ZNF343: variants seen among roughly 807,000 people sequenced by gnomAD.
ZNF343 encodes the protein zinc finger protein 343.
Under a neutral mutation model 13.8 loss-of-function variants are expected in ZNF343, and 11 were observed. The ratio of observed to expected loss-of-function variants is 0.80; its 90% confidence interval spans 0.50 to 1.32. The LOEUF (loss-of-function observed/expected upper bound fraction) is 1.32. Ranked by LOEUF, ZNF343 falls within the 40% of genes most tolerant of loss-of-function variation. ZNF343 has a pLI of 0.00. For missense variants in ZNF343, 658 were observed against 714.2 expected (o/e 0.92, Z 0.90); for synonymous variants, 248 against 260.0 (o/e 0.95, Z 0.44).
At chr20:2,507,953 G>T (rs928539453) in intron 1 of ZNF343, among the ~76,000 whole-genome samples, 1 of 152,070 alleles carries the variant, frequency 6.6e-6, no homozygotes, top group African/African-American at 2.4e-5. Flanking sequence ...CCCCAAACCA[G>T]ATGTTTGGCC....
chr20:2,520,129 G>A (rs1032889319), intron 1 of ZNF343, among the ~76,000 whole-genome samples: 1 of 152,102 alleles, frequency 6.6e-6, no homozygotes, highest in Non-Finnish European at 1.5e-5. Context: ...GTACTTTGGA[G>A]GATAATGACT....
In ZNF343 at chr20:2,508,749, A is replaced by G. The variant is rs920985883; in HGVS notation, c.-237+132T>C. 5.9e-5 allele frequency: 9 copies of G among 152,350 alleles called. No individual in the cohort carries two copies. The highest frequency in any genetic ancestry group is 1.9e-4 in the African/African-American group (8 of 41,472). The allele number at this position is 152,350 out of a possible 1,614,324, so 9.4% of individuals were successfully genotyped here. ...CTGCGCCCTCTCCTCCAAAAACCAA[A>G]TATCTCCAACCCGCACTCCCCATTG... On this transcript the variant is annotated intron_variant, in intron 1 of 5. Coordinates refer to ENST00000278772, the MANE Select transcript of ZNF343 (RefSeq NM_024325.6). The surrounding 1 kb of genome is among the most constrained non-coding windows in gnomAD (Gnocchi z 4.5).
At chr20:2,493,657 TTC>T in intron 3 of ZNF343, 80 bp from the exon 4 acceptor site, 1 of 1,015,510 alleles carries the variant, frequency 9.8e-7, no homozygotes, top group South Asian at 1.2e-5. Context: ...TGAGCAGCTC[TTC>T]TGAGCCTTAG....
Position 2,484,626 on chromosome 20 carries a change from G to C in ZNF343, c.335C>G (p.Ser112Cys). 6.2e-7 allele frequency: 1 copy of C among 1,605,916 alleles called. No individual in the cohort carries two copies. Among genetic ancestry groups the C allele is most frequent in the Non-Finnish European group, 8.5e-7 (1 of 1,175,808 alleles). ...ACAGGAGAAGGCCAGAAGGCAGGAG[G>C]AACAAGTGTAGATTTCTGGCTTTGG... ...AEPKPEIYTCSSCLLAFSCQQ... is the reference protein window; with the variant it reads ...AEPKPEIYTCCSCLLAFSCQQ... The change falls in exon 6 of 6, where the codon TCC becomes TGC. Residue 112 changes from serine (S) to cysteine (C), a missense_variant. Coordinates refer to ENST00000278772, the MANE Select transcript of ZNF343 (RefSeq NM_024325.6).
At chr20:2,493,634 C>T in intron 3 of ZNF343, 57 bp from the exon 4 acceptor site, 3 of 966,002 alleles carry the variant, frequency 3.1e-6, no homozygotes, top group Non-Finnish European at 4.4e-6. Flanking sequence ...CCACCCCCCA[C>T]CATGACGCTC....
At chr20:2,507,193 G>A (rs1407414233) in intron 1 of ZNF343, among the ~76,000 whole-genome samples, 1 of 151,656 alleles carries the variant, frequency 6.6e-6, no homozygotes, top group African/African-American at 2.4e-5. Flanking sequence ...GAACCCGGGA[G>A]GTGGAGGTTG....
intron 1 of ZNF343, among the ~76,000 whole-genome samples, chr20:2,523,527 T>C (rs994201821): frequency 6.6e-6 from 1 of 151,456 alleles, no homozygotes; most frequent in Non-Finnish European, 1.5e-5. Flanking sequence ...TAATAGAAAA[T>C]CCATATGGAA....
At chr20:2,502,466 A>G (rs542699536) in intron 1 of ZNF343, among the ~76,000 whole-genome samples, 1 of 152,324 alleles carries the variant, frequency 6.6e-6, no homozygotes, top group South Asian at 2.1e-4. Flanking sequence ...AGAGAACGCC[A>G]CAAAGATACT....
At chr20:2,509,329 G>A (rs1469348016), upstream of ZNF343, among the ~76,000 whole-genome samples, 1 of 152,206 alleles carries the variant, frequency 6.6e-6, no homozygotes, top group Non-Finnish European at 1.5e-5. Context: ...TACCTTGCGT[G>A]AGCACTATGT....
In ZNF343 at chr20:2,484,634, G is replaced by A. The variant is rs766666312; in HGVS notation, c.327C>T (p.Tyr109=). 2 of 1,600,066 alleles carry A rather than the reference G, an allele frequency of 1.2e-6. No individual in the cohort carries two copies. Among genetic ancestry groups the A allele is most frequent in the Non-Finnish European group, 8.5e-7 (1 of 1,172,846 alleles). ...LSLAEPKPEI[Y]TCSSCLLAFS... Reference sequence around the variant, plus strand: ...AGGCCAGAAGGCAGGAGGAACAAGTGTAGATTTCTGGCTTTGGTTCTGCTG... The same window carrying A: ...AGGCCAGAAGGCAGGAGGAACAAGTATAGATTTCTGGCTTTGGTTCTGCTG... Residue 109 remains tyrosine (Y), a synonymous_variant, in exon 6 of 6, where the codon TAC becomes TAT. Transcript: ENST00000278772.
chr20:2,507,222 CCACTG>C (rs997688360), intron 1 of ZNF343, among the ~76,000 whole-genome samples: 1 of 150,472 alleles, frequency 6.6e-6, no homozygotes, highest in Non-Finnish European at 1.5e-5. Context: ...CGAGATCGCG[CCACTG>C]CACTCCAGCC....
chr20:2,515,246 A>G (rs1385983183), intron 1 of ZNF343, among the ~76,000 whole-genome samples: 1 of 152,192 alleles, frequency 6.6e-6, no homozygotes, highest in African/African-American at 2.4e-5. Flanking sequence ...TCGTCTTATT[A>G]TTTGTCAGAG....
Position 2,492,684 on chromosome 20 carries a change from A to C in ZNF343, c.304+15T>G, listed in dbSNP as rs1490886677. On this transcript the variant is annotated intron_variant, in intron 5 of 5. Coordinates refer to ENST00000278772, the MANE Select transcript of ZNF343 (RefSeq NM_024325.6). ...CTACTGAATTAATGAAGGAAAGGAA[A>C]GAACACAGCCTTACCCAATGAGAGA... 6.2e-7 allele frequency: 1 copy of C among 1,604,226 alleles called. No homozygotes were observed. Among genetic ancestry groups the C allele is most frequent in the Non-Finnish European group, 8.5e-7 (1 of 1,177,716 alleles).
upstream of ZNF343, among the ~76,000 whole-genome samples, chr20:2,512,255 C>T (rs1269027682): frequency 6.6e-6 from 1 of 152,186 alleles, no homozygotes; most frequent in African/African-American, 2.4e-5. Context: ...TCAAAGCAAT[C>T]TACAGATGCA....
At position 2,492,834 on chromosome 20, in the gene ZNF343, A is replaced by C; in HGVS notation, c.178-9T>G. 1 of 1,612,532 alleles carries C rather than the reference A, an allele frequency of 6.2e-7. No homozygotes were observed. ...CTGAATGTAACTGGTACCTACAAAC[A>C]ACCAGTAAATTAATGTATAGCAAGC... is the stretch of plus-strand genomic sequence containing the variant. On this transcript the variant is annotated splice_polypyrimidine_tract_variant and intron_variant, in intron 4 of 5. Coordinates refer to ENST00000278772, the MANE Select transcript of ZNF343 (RefSeq NM_024325.6).
chr20:2,509,238 C>G (rs2085720974), upstream of ZNF343: 1 of 152,210 alleles, frequency 6.6e-6, no homozygotes, highest in Non-Finnish European at 1.5e-5. Context: ...AATGCGCTGT[C>G]TGTCAGGCGT....
At chr20:2,498,566 G>A (rs1250413260) in intron 2 of ZNF343, among the ~76,000 whole-genome samples, 1 of 152,170 alleles carries the variant, frequency 6.6e-6, no homozygotes, top group Non-Finnish European at 1.5e-5. Context: ...GGAGTAAGTG[G>A]TAGGGACAAG....
At chr20:2,486,968 C>T (rs1201454133) in intron 5 of ZNF343, among the ~76,000 whole-genome samples, 2 of 152,178 alleles carry the variant, frequency 1.3e-5, no homozygotes, top group Non-Finnish European at 2.9e-5. Context: ...GACTGCTTAA[C>T]TCTGCCATTG....
intron 2 of ZNF343, 85 bp downstream of exon 2, chr20:2,500,571 A>G (rs1357784407): frequency 1.3e-5 from 2 of 152,300 alleles, no homozygotes; most frequent in Non-Finnish European, 2.9e-5. Flanking sequence ...TTCAGGGTAC[A>G]AGATGTCAGA....
Sources: allele counts gnomAD v4.1 joint callset (sites outside exome capture counted in the v4.1 genomes callset), GRCh38; gene constraint gnomAD v4.1.1; non-coding constraint Gnocchi (gnomAD v3.1); transcripts MANE v1.5; gene names NCBI Gene and HGNC (gene_info 2026-07-23, HGNC 2026-07-21).